Variants in CACNG3 observed in about 807,000 individuals in gnomAD.
CACNG3 encodes calcium voltage-gated channel auxiliary subunit gamma 3, also known as voltage-dependent calcium channel gamma-3 subunit.
CACNG3 carries 3 observed loss-of-function variants against 28.5 expected under a neutral mutation model. The ratio of observed to expected loss-of-function variants is 0.11; its 90% CI spans 0.05 to 0.27. The LOEUF is 0.27. Ranked by LOEUF, CACNG3 falls within the 10% of genes least tolerant of loss-of-function variation. CACNG3 has a pLI of 1.00. For synonymous variants in CACNG3, 174 were observed against 162.2 expected, an observed-to-expected ratio of 1.07 and a Z score of -0.55; for missense variants, 236 against 414.4, an observed-to-expected ratio of 0.57 and a Z score of 3.74.
At chr16:24,291,783 G>A (rs905522284) in intron 1 of CACNG3, among the ~76,000 whole-genome samples, 3 of 152,102 alleles carry the variant, frequency 2.0e-5, no homozygotes, top group Admixed American at 6.5e-5. Flanking sequence ...GGCACCATCC[G>A]TGTATGGCTG....
intron 2 of CACNG3, among the ~76,000 whole-genome samples, chr16:24,352,252 A>G (rs567451820): frequency 2.0e-5 from 3 of 152,268 alleles, no homozygotes; most frequent in African/African-American, 7.2e-5. Context: ...AGGCTTGAAC[A>G]CTGAGCAATG....
intron 1 of CACNG3, among the ~76,000 whole-genome samples, chr16:24,318,989 C>T (rs1336111648): frequency 6.6e-6 from 1 of 152,152 alleles, no homozygotes; most frequent in Non-Finnish European, 1.5e-5. Flanking sequence ...TGGTATCTGG[C>T]TGGAATTTAA....
intron 1 of CACNG3, among the ~76,000 whole-genome samples, chr16:24,319,919 C>T (rs1388159009): frequency 6.6e-6 from 1 of 152,126 alleles, no homozygotes. Flanking sequence ...TACAGGTGCA[C>T]ACCACCATGC....
intron 1 of CACNG3, among the ~76,000 whole-genome samples, chr16:24,299,537 T>C (rs1408494526): frequency 6.6e-6 from 1 of 152,206 alleles, no homozygotes; most frequent in Admixed American, 6.5e-5. Flanking sequence ...GAGTGCTGGG[T>C]GTGCTCATTG....
intron 1 of CACNG3, among the ~76,000 whole-genome samples, chr16:24,257,227 C>A (rs1567427395): frequency 6.6e-6 from 1 of 151,574 alleles, no homozygotes; most frequent in Non-Finnish European, 1.5e-5. Flanking sequence ...TTAGAAAAGT[C>A]TTCAAATCCA....
In CACNG3 at chr16:24,355,042, G is replaced by A. The variant is rs952266421; in HGVS notation, c.436+69G>A. On this transcript the variant is annotated intron_variant, in intron 3 of 3. Coordinates refer to ENST00000005284, the MANE Select transcript of CACNG3 (RefSeq NM_006539.4). Reference sequence around the variant, plus strand: ...CTGAAGCCAGGGCCACATGGAGGAAGCAATGCTACTCAGGGCTCCCTCCAG... The same window carrying A: ...CTGAAGCCAGGGCCACATGGAGGAAACAATGCTACTCAGGGCTCCCTCCAG... 12 of 1,485,342 alleles carry A rather than the reference G, an allele frequency of 8.1e-6. No homozygotes were observed. In the African/African-American group the frequency reaches 1.1e-4, roughly 14 times the overall value. The allele number at this position is 1,485,342 out of a possible 1,614,324, so 92.0% of individuals were successfully genotyped here. A position where few individuals can be genotyped will look rare whatever the true frequency, so the allele number is the denominator to read the frequency against.
chr16:24,313,896 C>A (rs535303701), intron 1 of CACNG3, among the ~76,000 whole-genome samples: 1 of 152,084 alleles, frequency 6.6e-6, no homozygotes, highest in East Asian at 1.9e-4. Flanking sequence ...AGGTGCGCAC[C>A]ACCACACCTG....
At chr16:24,290,828 GATAAA>G (rs1439121300) in intron 1 of CACNG3, among the ~76,000 whole-genome samples, 12 of 152,122 alleles carry the variant, frequency 7.9e-5, no homozygotes, top group Non-Finnish European at 1.3e-4. Flanking sequence ...ATAAACACTA[GATAAA>G]ATAAAATTTA....
intron 1 of CACNG3, among the ~76,000 whole-genome samples, chr16:24,259,673 T>C (rs1898513313): frequency 1.3e-5 from 2 of 152,148 alleles, no homozygotes; most frequent in South Asian, 4.1e-4. Flanking sequence ...AGGGCTGTCA[T>C]ATGAAAGAGA....
chr16:24,299,141 G>A (rs1036671539), intron 1 of CACNG3, among the ~76,000 whole-genome samples: 3 of 152,102 alleles, frequency 2.0e-5, no homozygotes, highest in Non-Finnish European at 4.4e-5. Context: ...CTTCCTTGAG[G>A]GGGCTGTGTT....
intron 1 of CACNG3, among the ~76,000 whole-genome samples, chr16:24,296,271 T>A (rs1441941881): frequency 6.6e-6 from 1 of 152,194 alleles, no homozygotes; most frequent in Non-Finnish European, 1.5e-5. Context: ...CTAAGTCAGT[T>A]TGCCCTGAGA....
chr16:24,278,137 T>C (rs1898776677), intron 1 of CACNG3, among the ~76,000 whole-genome samples: 1 of 151,928 alleles, frequency 6.6e-6, no homozygotes, highest in South Asian at 2.1e-4. Context: ...ACCCTTGGAG[T>C]ATGGAAGGTA....
rs151149071 is a variant in CACNG3 at position 24,289,847 on chromosome 16, G to A, written c.211+32882G>A. Among the ~76,000 whole-genome samples the A allele has an allele frequency of 3.1e-4, 47 of 152,316 alleles. 1 individual carries two copies. The highest frequency in any genetic ancestry group is 1.1e-3 in the African/African-American group (44 of 41,584). On this transcript the variant is annotated intron_variant, in intron 1 of 3. Coordinates refer to ENST00000005284, the MANE Select transcript of CACNG3 (RefSeq NM_006539.4). ...GATAGGATTGCTGTGAAGATCAGGC[G>A]AGTTCATCCTTATAAAAGGCCCTAG...
intron 1 of CACNG3, among the ~76,000 whole-genome samples, chr16:24,326,160 G>C (rs962797864): frequency 1.2e-4 from 16 of 136,700 alleles, no homozygotes; most frequent in South Asian, 2.5e-4. Flanking sequence ...TTTCTTTTTT[G>C]TTTTTTCTTT....
At chr16:24,321,442 A>AAAAT (rs1555460819) in intron 1 of CACNG3, among the ~76,000 whole-genome samples, 10 of 152,282 alleles carry the variant, frequency 6.6e-5, no homozygotes, top group South Asian at 2.1e-4. Flanking sequence ...CTCTGGCTCA[A>AAAAT]AAATAAATAA....
intron 1 of CACNG3, among the ~76,000 whole-genome samples, chr16:24,272,729 T>C (rs2141348030): frequency 6.6e-6 from 1 of 152,330 alleles, no homozygotes; most frequent in African/African-American, 2.4e-5. Flanking sequence ...CAACTTGCCA[T>C]TTATTTTTCA....
intron 1 of CACNG3, among the ~76,000 whole-genome samples, chr16:24,258,756 A>G (rs1288739215): frequency 6.6e-6 from 1 of 152,218 alleles, no homozygotes; most frequent in African/African-American, 2.4e-5. Context: ...TAGAAGTTCT[A>G]AGGTTCCTCC....
At chr16:24,261,299 G>A (rs1898534574) in intron 1 of CACNG3, among the ~76,000 whole-genome samples, 2 of 152,172 alleles carry the variant, frequency 1.3e-5, no homozygotes, top group South Asian at 4.1e-4. Flanking sequence ...GGGGCAATAG[G>A]GAGTGGTGAG....
chr16:24,302,603 C>T (rs1408361590), intron 1 of CACNG3, among the ~76,000 whole-genome samples: 2 of 151,878 alleles, frequency 1.3e-5, no homozygotes, highest in Non-Finnish European at 2.9e-5. Context: ...CACAGGCATG[C>T]ACCACTATGC....
Sources: allele counts gnomAD v4.1 joint callset (sites outside exome capture counted in the v4.1 genomes callset), GRCh38; gene constraint gnomAD v4.1.1; transcripts MANE v1.5; gene names NCBI Gene and HGNC (gene_info 2026-07-23, HGNC 2026-07-21).